The following EPM2A variants were observed in gnomAD, a reference collection of about 807,000 sequenced individuals.
The protein encoded by EPM2A is laforin.
EPM2A carries 21 observed loss-of-function variants against 26.5 expected under a neutral mutation model. The observed-to-expected ratio is 0.79, with a 90% CI of 0.56 to 1.14. EPM2A has a LOEUF of 1.14. Ranked by LOEUF, EPM2A falls within the 50% of genes most tolerant of loss-of-function variation. The pLI is 0.00. For missense variants in EPM2A, 458 were observed against 440.8 expected, an observed-to-expected ratio of 1.04 and a Z score of -0.35; for synonymous variants, 217 against 177.6, an observed-to-expected ratio of 1.22 and a Z score of -1.76.
chr6:145,479,498 G>A (rs1221356043), intron 4 of EPM2A, among the ~76,000 whole-genome samples: 1 of 151,668 alleles, frequency 6.6e-6, no homozygotes, highest in African/African-American at 2.4e-5. Context: ...GCCTATTCTA[G>A]TATTTCATAC....
chr6:145,644,557 G>A (rs1562435836), intron 2 of EPM2A, among the ~76,000 whole-genome samples: 1 of 152,136 alleles, frequency 6.6e-6, no homozygotes, highest in East Asian at 1.9e-4. Flanking sequence ...ACAATTAGCA[G>A]TGCTGCAGTC....
chr6:145,565,412 C>A (rs546023461), intron 2 of EPM2A, among the ~76,000 whole-genome samples: 1 of 152,236 alleles, frequency 6.6e-6, no homozygotes, highest in East Asian at 1.9e-4. Context: ...CTTTGTGAAG[C>A]AGTGGGGAGG....
chr6:145,447,685 GA>G (rs1441406954), intron 4 of EPM2A, among the ~76,000 whole-genome samples: 10 of 152,044 alleles, frequency 6.6e-5, no homozygotes, highest in Admixed American at 5.2e-4. Context: ...TACTGTGAAA[GA>G]CAAGAACTCT....
intron 4 of EPM2A, among the ~76,000 whole-genome samples, chr6:145,414,425 G>C (rs1778681949): frequency 6.6e-6 from 1 of 151,882 alleles, no homozygotes; most frequent in African/African-American, 2.4e-5. Context: ...GATTATCATA[G>C]CAGTTGATTC....
intron 2 of EPM2A, among the ~76,000 whole-genome samples, chr6:145,503,155 G>A (rs1053921081): frequency 7.2e-5 from 11 of 152,170 alleles, no homozygotes; most frequent in South Asian, 4.1e-4. Context: ...GATGTGTATA[G>A]AGGAAAGCTT....
rs74846164 is a variant in EPM2A at position 145,391,812 on chromosome 6, A to C, written c.556-7715T>G. Among the ~76,000 whole-genome samples, 651 of 152,072 alleles carry C rather than the reference A, an allele frequency of 4.3e-3. 3 individuals are homozygous for C. The highest frequency in any genetic ancestry group is 0.015 in the African/African-American group (614 of 41,468). On this transcript the variant is annotated intron_variant, in intron 4 of 4. Coordinates refer to the EPM2A transcript ENST00000638717. The stretch of plus-strand genomic sequence containing the variant: ...GCACTGGGGAAGAGTAAGTCCCAAG[A>C]TCTCCCACTTTTAGGCTGAAGATCT...
intron 4 of EPM2A, among the ~76,000 whole-genome samples, chr6:145,483,404 T>C (rs1779634182): frequency 6.6e-6 from 1 of 151,102 alleles, no homozygotes; most frequent in Admixed American, 6.6e-5. Context: ...TTCTCCCTGC[T>C]TAAAACAAAG....
chr6:145,457,359 C>T (rs1779274533), intron 4 of EPM2A, among the ~76,000 whole-genome samples: 2 of 151,678 alleles, frequency 1.3e-5, no homozygotes, highest in Admixed American at 1.3e-4. Flanking sequence ...TGGTGGGTGC[C>T]TGTAGTCCCA....
chr6:145,655,697 T>C (rs1026167075), intron 2 of EPM2A, among the ~76,000 whole-genome samples: 5 of 152,158 alleles, frequency 3.3e-5, no homozygotes, highest in Admixed American at 6.5e-5. Flanking sequence ...TCTTCAGGGA[T>C]TGCCATAGAT....
chr6:145,572,209 G>A (rs1780967827), intron 2 of EPM2A, among the ~76,000 whole-genome samples: 1 of 152,208 alleles, frequency 6.6e-6, no homozygotes, highest in Non-Finnish European at 1.5e-5. Flanking sequence ...TGCTGCAGCT[G>A]TCTACTTTCA....
At chr6:145,577,370 C>T (rs1198031990) in intron 2 of EPM2A, among the ~76,000 whole-genome samples, 1 of 138,834 alleles carries the variant, frequency 7.2e-6, no homozygotes, top group African/African-American at 2.6e-5. Context: ...AAAATGGAAA[C>T]AAAAAAAAAA....
chr6:145,586,271 C>G (rs1333520419), intron 2 of EPM2A, among the ~76,000 whole-genome samples: 2 of 152,142 alleles, frequency 1.3e-5, no homozygotes, highest in Non-Finnish European at 2.9e-5. Flanking sequence ...TAGTGTTTTG[C>G]TTGCTTAATG....
intron 4 of EPM2A, among the ~76,000 whole-genome samples, chr6:145,464,639 ATGAAT>A (rs1306173448): frequency 6.6e-6 from 1 of 152,078 alleles, no homozygotes; most frequent in Non-Finnish European, 1.5e-5. Flanking sequence ...TATGGTCCCT[ATGAAT>A]TGTGGTAAAT....
chr6:145,478,535 G>A (rs1779569072), intron 4 of EPM2A, among the ~76,000 whole-genome samples: 1 of 151,758 alleles, frequency 6.6e-6, no homozygotes. Context: ...TTATGTTACA[G>A]AACTATAGTA....
intron 4 of EPM2A, among the ~76,000 whole-genome samples, chr6:145,457,586 A>T (rs1779278413): frequency 6.6e-6 from 1 of 152,176 alleles, no homozygotes. Context: ...CCAACACCTA[A>T]TTCACTCACT....
intron 4 of EPM2A, among the ~76,000 whole-genome samples, chr6:145,464,640 T>C (rs1779364810): frequency 6.6e-6 from 1 of 152,174 alleles, no homozygotes. Flanking sequence ...ATGGTCCCTA[T>C]GAATTGTGGT....
intron 4 of EPM2A, among the ~76,000 whole-genome samples, chr6:145,475,479 G>A (rs913167032): frequency 2.6e-5 from 4 of 152,208 alleles, no homozygotes; most frequent in Admixed American, 2.6e-4. Flanking sequence ...GGGAGGCTAG[G>A]GGAGGGATAG....
intron 4 of EPM2A, chr6:145,490,944 T>C (rs767175693): frequency 5.0e-6 from 4 of 805,254 alleles, no homozygotes; most frequent in Non-Finnish European, 8.3e-6. Context: ...GTGTACTTTA[T>C]GGATGCTTGG....
At chr6:145,412,822 G>A (rs1309688035) in intron 4 of EPM2A, among the ~76,000 whole-genome samples, 1 of 152,166 alleles carries the variant, frequency 6.6e-6, no homozygotes, top group Non-Finnish European at 1.5e-5. Flanking sequence ...ACCAGAAAAT[G>A]TGATTTTGCA....
Sources: allele counts gnomAD v4.1 joint callset (sites outside exome capture counted in the v4.1 genomes callset), GRCh38; gene constraint gnomAD v4.1.1; transcripts MANE v1.5; gene names NCBI Gene and HGNC (gene_info 2026-07-23, HGNC 2026-07-21).